The following UNC5A variants were observed in gnomAD, a reference collection of about 807,000 sequenced individuals.
The protein encoded by UNC5A is netrin receptor UNC5A.
UNC5A carries 20 observed loss-of-function variants against 87.4 expected under a neutral mutation model. The observed-to-expected ratio is 0.23, with a 90% confidence interval of 0.16 to 0.33. The LOEUF (loss-of-function observed/expected upper bound fraction) is 0.33, where lower values mean the gene tolerates loss of function less well. Among genes scored for constraint, UNC5A ranks in the 10% least tolerant of loss-of-function variants. UNC5A has a pLI of 1.00. For synonymous variants in UNC5A, 438 were observed against 482.3 expected (o/e 0.91, Z 1.20); for missense variants, 844 against 1,133.4 (o/e 0.74, Z 3.67).
At chr5:176,857,530 C>T (rs1445824077) in intron 1 of UNC5A, among the ~76,000 whole-genome samples, 1 of 152,064 alleles carries the variant, frequency 6.6e-6, no homozygotes, top group Non-Finnish European at 1.5e-5. Context: ...GCCACACACA[C>T]ATGCGCACAC....
intron 1 of UNC5A, among the ~76,000 whole-genome samples, chr5:176,825,154 G>A (rs1366729620): frequency 6.6e-6 from 1 of 152,246 alleles, no homozygotes; most frequent in Non-Finnish European, 1.5e-5. Context: ...AGGGTGGGAA[G>A]TGGAGTTGAG....
intron 1 of UNC5A, among the ~76,000 whole-genome samples, chr5:176,837,776 G>C (rs1469230451): frequency 6.6e-6 from 1 of 151,838 alleles, no homozygotes; most frequent in African/African-American, 2.4e-5. Context: ...CACACTTTCA[G>C]CACCGTGGAC....
chr5:176,830,825 CATGTATGTGCTGGCAT>C, intron 1 of UNC5A, among the ~76,000 whole-genome samples: 1 of 113,058 alleles, frequency 8.8e-6, no homozygotes, highest in African/African-American at 3.6e-5. Context: ...TGTGCGCTGG[CATGTATGTGCTGGCAT>C]GTGTGTGTGC....
At chr5:176,830,871 GGT>G (rs1757003389) in intron 1 of UNC5A, among the ~76,000 whole-genome samples, 3 of 131,614 alleles carry the variant, frequency 2.3e-5, no homozygotes, top group South Asian at 2.7e-4. Flanking sequence ...TGTGTGCGCT[GGT>G]GTGTGTGTGG....
rs1433796303 is a variant in UNC5A at position 176,870,508 on chromosome 5, A to G, written c.860A>G (p.Asn287Ser). The change falls in exon 6 of 15, where the codon AAC becomes AGC. Residue 287 changes from asparagine to serine, a missense_variant. Asn to Ser is a conservative substitution (Grantham distance 46, BLOSUM62 1). This residue lies in a region of UNC5A where 314 missense variants were observed against 466.5 expected (regional missense o/e 0.67). Coordinates refer to ENST00000329542, the MANE Select transcript of UNC5A (RefSeq NM_133369.3). ...CAGGGCACTGACCTGGACACCCGCA[A>G]CTGTACCAGTGACCTCTGTGTACAC... Reference protein sequence around the residue: ...ECQGTDLDTRNCTSDLCVHTA... With the variant: ...ECQGTDLDTRSCTSDLCVHTA... The G allele has an allele frequency of 6.2e-7, 1 of 1,605,686 alleles. No individual in the cohort carries two copies.
At position 176,823,093 on chromosome 5, in the gene UNC5A, G is replaced by A. The variant is rs377709113; in HGVS notation, c.70+12273G>A. ...TGACGAGGCGTCCCTCCCTGATGGC[G>A]GGCAGACAGCAGGGATGGAGTAAGA... On this transcript the variant is annotated intron_variant, in intron 1 of 14. Transcript: ENST00000329542. Among the ~76,000 whole-genome samples, 3 of 151,752 alleles carry A rather than the reference G, an allele frequency of 2.0e-5. 1 individual carries two copies. In the South Asian group the frequency reaches 6.2e-4, roughly 32 times the overall value.
Position 176,880,076 on chromosome 5 carries a change from C to T in UNC5A, c.*190C>T, listed in dbSNP as rs1758379843. Reference sequence around the variant, plus strand: ...TCCCACCTCTCCATGGCCTGCCTAGCCAGGCTGGCACTGCCACTCACACTC... The same window carrying T: ...TCCCACCTCTCCATGGCCTGCCTAGTCAGGCTGGCACTGCCACTCACACTC... On this transcript the variant is annotated 3_prime_UTR_variant, in exon 15 of 15. Coordinates refer to ENST00000329542, the MANE Select transcript of UNC5A (RefSeq NM_133369.3). The T allele has an allele frequency of 1.3e-6, 1 of 752,090 alleles. No homozygotes were observed. The highest frequency in any genetic ancestry group is 2.1e-6 in the Non-Finnish European group (1 of 484,820). The allele number at this position is 752,090 out of a possible 1,614,324, so 46.6% of individuals were successfully genotyped here. A position where few individuals can be genotyped will look rare whatever the true frequency, so the allele number is the denominator to read the frequency against.
chr5:176,816,827 G>C (rs1340485263), intron 1 of UNC5A, among the ~76,000 whole-genome samples: 1 of 152,278 alleles, frequency 6.6e-6, no homozygotes, highest in African/African-American at 2.4e-5. Flanking sequence ...TCGGGAAGTG[G>C]GGGAGTCCTT....
At chr5:176,836,516 T>C (rs560313519) in intron 1 of UNC5A, among the ~76,000 whole-genome samples, 1 of 152,224 alleles carries the variant, frequency 6.6e-6, no homozygotes, top group East Asian at 1.9e-4. Flanking sequence ...TAGGCACCTG[T>C]AAAGTTCAGT....
At chr5:176,864,743 G>C in intron 2 of UNC5A, 1 of 443,174 alleles carries the variant, frequency 2.3e-6, no homozygotes, top group Non-Finnish European at 4.6e-6. Flanking sequence ...CACCTGCTCT[G>C]TGCCATGCCT....
In UNC5A at chr5:176,814,767, A is replaced by G. The variant is rs1050465715; in HGVS notation, c.70+3947A>G. 9.2e-5 allele frequency among the ~76,000 whole-genome samples: 14 copies of G among 152,170 alleles called. No homozygotes were observed. The East Asian group carries it at 9.6e-4, about 10-fold the overall frequency. ...CGCGGTGACCCTGTTCTCTGGCCCA[A>G]CTTGCTCTGAGTCACTGCCAGCCAG... is the stretch of plus-strand genomic sequence containing the variant. On this transcript the variant is annotated intron_variant, in intron 1 of 14. Transcript: ENST00000329542.
rs753906479 is a variant in UNC5A, at chr5:176,877,988, G to A, written c.1730G>A (p.Arg577His). 159 of 1,605,766 alleles carry A rather than the reference G, an allele frequency of 9.9e-5. No homozygotes were observed. Among genetic ancestry groups the A allele is most frequent in the Non-Finnish European group, 1.2e-4 (143 of 1,179,934 alleles). The change falls in exon 11 of 15, where the codon CGC (arginine) becomes CAC (histidine). Residue 577 changes from arginine (R) to histidine (H), a missense_variant. By Grantham distance (29) the Arg-to-His change is conservative. This residue lies in a region of UNC5A where 353 missense variants were observed against 387.5 expected (regional missense o/e 0.91). Transcript: ENST00000329542. Reference protein sequence around the residue: ...ACYVFTEQLGRFALVGEALSV... With the variant: ...ACYVFTEQLGHFALVGEALSV... ...TACGTCTTCACCGAGCAGCTGGGCC[G>A]CTTTGCCCTGGTGGGAGAGGCCCTC...
At position 176,879,492 on chromosome 5, in the gene UNC5A, G is replaced by C. The variant is rs1385381056; in HGVS notation, c.2363+4G>C. Reference sequence around the variant, plus strand: ...CCCAGAAACTCCACCTGGACAGGTGGGCGGGAGAGGGGCAGAGAGGGCCTG... The same window carrying C: ...CCCAGAAACTCCACCTGGACAGGTGCGCGGGAGAGGGGCAGAGAGGGCCTG... On this transcript the variant is annotated splice_donor_region_variant and intron_variant, in intron 14 of 14. Transcript: ENST00000329542. 1.2e-6 allele frequency: 2 copies of C among 1,602,276 alleles called. No individual in the cohort carries two copies. Among genetic ancestry groups the C allele is most frequent in the Admixed American group, 3.4e-5 (2 of 58,812 alleles).
At position 176,836,566 on chromosome 5, in the gene UNC5A, G is replaced by A. The variant is rs185600193; in HGVS notation, c.70+25746G>A. Among the ~76,000 whole-genome samples, 98 of 152,084 alleles carry A rather than the reference G, an allele frequency of 6.4e-4. 2 individuals are homozygous for A. The East Asian group carries it at 0.016, about 25-fold the overall frequency. On this transcript the variant is annotated intron_variant, in intron 1 of 14. Transcript: ENST00000329542. ...TTATGGAAAGAGTTGCGATGAGAAG[G>A]GAGCTGCCATAGAAAATCAGACTGG...
chr5:176,845,287 C>G (rs114162012), intron 1 of UNC5A, among the ~76,000 whole-genome samples: 9 of 152,336 alleles, frequency 5.9e-5, no homozygotes, highest in African/African-American at 2.2e-4. Context: ...CTGCTCAAGT[C>G]TTCTGCCGCC....
chr5:176,846,915 C>T (rs1179106839), intron 1 of UNC5A, among the ~76,000 whole-genome samples: 1 of 152,160 alleles, frequency 6.6e-6, no homozygotes, highest in Non-Finnish European at 1.5e-5. Context: ...GAGGCTGGAG[C>T]GCATCTCAGC....
intron 1 of UNC5A, among the ~76,000 whole-genome samples, chr5:176,837,292 A>C (rs1234605222): frequency 6.6e-6 from 1 of 152,172 alleles, no homozygotes; most frequent in Non-Finnish European, 1.5e-5. Context: ...GTCTTCTAGC[A>C]CAGGCACCTT....
At position 176,868,882 on chromosome 5, in the gene UNC5A, T is replaced by C. The variant is rs1368842688; in HGVS notation, c.639T>C (p.Leu213=). 9 of 1,612,844 alleles carry C rather than the reference T, an allele frequency of 5.6e-6. No homozygotes were observed. The East Asian group carries it at 8.9e-5, about 16-fold the overall frequency. ...GCCTGGTGGTGCGACAGGCCCGCCT[T>C]GCTGACACGGCCAACTACACCTGCG... ...EHSLVVRQAR[L]ADTANYTCVA... is the part of the protein sequence containing the mutation. The change falls in exon 5 of 15, where the codon CTT becomes CTC. Residue 213 remains leucine, a synonymous_variant. Coordinates refer to ENST00000329542, the MANE Select transcript of UNC5A (RefSeq NM_133369.3).
Position 176,880,021 on chromosome 5 carries a change from T to A in UNC5A, c.*135T>A, listed in dbSNP as rs529574030. On this transcript the variant is annotated 3_prime_UTR_variant, in exon 15 of 15. Coordinates refer to ENST00000329542, the MANE Select transcript of UNC5A (RefSeq NM_133369.3). The stretch of plus-strand genomic sequence containing the variant: ...CCCCCTCCCGGCCGAAGCTGTCCCT[T>A]AATGCTGGTCCTTCAGACCCTGCCC... The A allele has an allele frequency of 3.1e-5, 38 of 1,211,736 alleles. No homozygotes were observed. In the African/African-American group the frequency reaches 4.6e-4, roughly 15 times the overall value. The allele number at this position is 1,211,736 out of a possible 1,614,324, so 75.1% of individuals were successfully genotyped here.
Sources: allele counts gnomAD v4.1 joint callset (sites outside exome capture counted in the v4.1 genomes callset), GRCh38; gene constraint gnomAD v4.1.1; regional missense constraint gnomAD v4.1.1; transcripts MANE v1.5; gene names NCBI Gene and HGNC (gene_info 2026-07-23, HGNC 2026-07-21).